The following FRAS1 variants were observed in gnomAD, a reference collection of about 807,000 sequenced individuals.
The protein encoded by FRAS1 is Fraser extracellular matrix complex subunit 1.
A neutral mutation model predicts 435.2 loss-of-function variants in FRAS1; 290 were observed. The ratio of observed to expected loss-of-function variants is 0.67; its 90% confidence interval spans 0.61 to 0.73. The LOEUF (loss-of-function observed/expected upper bound fraction) is 0.73, where lower values mean the gene tolerates loss of function less well. Among genes scored for constraint, FRAS1 ranks in the 30% least tolerant of loss-of-function variants. The pLI is 0.00. For synonymous variants in FRAS1, 1,800 were observed against 1,851.0 expected (o/e 0.97, Z 0.71); for missense variants, 4,860 against 5,001.5 (o/e 0.97, Z 0.85).
chr4:78,165,093 G>A (rs1038386062), intron 2 of FRAS1, among the ~76,000 whole-genome samples: 9 of 152,092 alleles, frequency 5.9e-5, no homozygotes, highest in East Asian at 1.9e-4. Context: ...ATTCAGTCCC[G>A]CACTTTTTTT....
intron 18 of FRAS1, among the ~76,000 whole-genome samples, chr4:78,332,571 A>G (rs1729989558): frequency 6.6e-6 from 1 of 152,186 alleles, no homozygotes; most frequent in South Asian, 2.1e-4. Flanking sequence ...CACATGCATC[A>G]GCCCAATTAG....
chr4:78,311,864 C>T (rs539466041), intron 15 of FRAS1, among the ~76,000 whole-genome samples: 1 of 152,086 alleles, frequency 6.6e-6, no homozygotes, highest in Non-Finnish European at 1.5e-5. Context: ...CTATAGATTT[C>T]TTTTTAAATG....
intron 2 of FRAS1, among the ~76,000 whole-genome samples, chr4:78,183,935 T>C (rs1021101243): frequency 2.0e-5 from 3 of 152,238 alleles, no homozygotes; most frequent in Middle Eastern, 3.4e-3. Flanking sequence ...ATTTATTTAG[T>C]GCTTATTATG....
At chr4:78,305,533 A>C (rs957731362) in intron 14 of FRAS1, among the ~76,000 whole-genome samples, 28 of 144,052 alleles carry the variant, frequency 1.9e-4, no homozygotes, top group Non-Finnish European at 3.8e-4. Context: ...TTGCTTTATG[A>C]ATCTGGGTGC....
chr4:78,104,636 C>T (rs969937284), intron 2 of FRAS1, among the ~76,000 whole-genome samples: 3 of 152,164 alleles, frequency 2.0e-5, no homozygotes, highest in Non-Finnish European at 2.9e-5. Flanking sequence ...TTTATTCATT[C>T]AGTCAGTTCA....
rs1306177896 is a variant in FRAS1, at chr4:78,425,114, T to G, written c.4711+694T>G. Among the ~76,000 whole-genome samples, 9 of 150,326 alleles carry G rather than the reference T, an allele frequency of 6.0e-5. 1 individual carries two copies. Among genetic ancestry groups the G allele is most frequent in the Admixed American group, 2.7e-4 (4 of 15,074 alleles). ...TCTTAAATGGGGATAATAATAATAA[T>G]AATAATAATAATAATAAATATAAAG... On this transcript the variant is annotated intron_variant, in intron 35 of 73. Coordinates refer to ENST00000512123, the MANE Select transcript of FRAS1 (RefSeq NM_025074.7).
intron 65 of FRAS1, 106 bp from the exon 66 acceptor site, chr4:78,515,693 G>T: frequency 1.0e-6 from 1 of 975,278 alleles, no homozygotes; most frequent in Non-Finnish European, 1.6e-6. Context: ...TAGGGTCTCA[G>T]GTGATTGAAA....
chr4:78,451,697 A>G, intron 45 of FRAS1, 75 bp from the exon 46 acceptor site: 1 of 1,262,654 alleles, frequency 7.9e-7, no homozygotes. Context: ...ACACCAATTG[A>G]ATTCACACCT....
intron 2 of FRAS1, among the ~76,000 whole-genome samples, chr4:78,095,438 C>T (rs934343037): frequency 7.9e-5 from 12 of 152,150 alleles, no homozygotes; most frequent in Non-Finnish European, 1.0e-4. Context: ...GTTCTGGTCA[C>T]GGGAGCAGAG....
intron 2 of FRAS1, among the ~76,000 whole-genome samples, chr4:78,148,338 T>C (rs908098966): frequency 2.0e-5 from 3 of 152,154 alleles, no homozygotes; most frequent in Admixed American, 2.0e-4. Context: ...TATTAACTAT[T>C]GAAGCTTGAG....
intron 29 of FRAS1, among the ~76,000 whole-genome samples, chr4:78,398,638 A>G (rs1367884084): frequency 6.6e-6 from 1 of 152,212 alleles, no homozygotes; most frequent in South Asian, 2.1e-4. Context: ...ACTGGTCTCC[A>G]TAACCAAAAT....
chr4:78,240,448 C>T (rs933512126), intron 3 of FRAS1, among the ~76,000 whole-genome samples: 2 of 152,068 alleles, frequency 1.3e-5, no homozygotes, highest in African/African-American at 2.4e-5. Context: ...AAAGGAGAAA[C>T]GACTGCCATA....
In FRAS1 at chr4:78,057,959, C is replaced by G. The variant is rs1739548292; in HGVS notation, c.-51C>G. 3 of 1,577,806 alleles carry G rather than the reference C, an allele frequency of 1.9e-6. No individual in the cohort carries two copies. The East Asian group carries it at 6.7e-5, about 35-fold the overall frequency. ...CGGAGCCAGCGTTTTGGCGGAGCCGCTTCTTGGATGCTGAAGGCTGGGCTC... is the reference window on the plus strand; with the variant it reads ...CGGAGCCAGCGTTTTGGCGGAGCCGGTTCTTGGATGCTGAAGGCTGGGCTC... On this transcript the variant is annotated 5_prime_UTR_variant, in exon 1 of 74. Coordinates refer to ENST00000512123, the MANE Select transcript of FRAS1 (RefSeq NM_025074.7). The surrounding 1 kb of genome is among the most constrained non-coding windows in gnomAD (Gnocchi z 4.2).
intron 2 of FRAS1, among the ~76,000 whole-genome samples, chr4:78,121,682 G>A (rs1307866665): frequency 6.6e-6 from 1 of 152,128 alleles, no homozygotes; most frequent in Non-Finnish European, 1.5e-5. Flanking sequence ...GACTTCTTTG[G>A]TTACGCTTGA....
intron 66 of FRAS1, among the ~76,000 whole-genome samples, chr4:78,518,620 G>T (rs1350539811): frequency 6.6e-6 from 1 of 151,982 alleles, no homozygotes; most frequent in South Asian, 2.1e-4. Context: ...AAATGAAAAT[G>T]ATTGGGCCAA....
At chr4:78,218,530 A>G (rs1723903572) in intron 2 of FRAS1, among the ~76,000 whole-genome samples, 1 of 152,212 alleles carries the variant, frequency 6.6e-6, no homozygotes, top group African/African-American at 2.4e-5. Context: ...TGTTTGTCGT[A>G]TGATATCTGA....
At chr4:78,205,866 G>C (rs892541025) in intron 2 of FRAS1, among the ~76,000 whole-genome samples, 4 of 152,008 alleles carry the variant, frequency 2.6e-5, no homozygotes, top group Non-Finnish European at 5.9e-5. Context: ...GTTTCCCCAG[G>C]GCAGTCTCTG....
intron 32 of FRAS1, among the ~76,000 whole-genome samples, chr4:78,417,844 C>A (rs1733612490): frequency 6.6e-6 from 1 of 152,250 alleles, no homozygotes; most frequent in African/African-American, 2.4e-5. Context: ...AGCAGGAGAG[C>A]ATGTCACACT....
chr4:78,198,533 A>G (rs1722917613), intron 2 of FRAS1, among the ~76,000 whole-genome samples: 1 of 151,974 alleles, frequency 6.6e-6, no homozygotes, highest in African/African-American at 2.4e-5. Flanking sequence ...TTGATAGGTC[A>G]GCATTCAATT....
Sources: gnomAD v4.1 joint callset for allele counts (sites outside exome capture counted in the v4.1 genomes callset) on GRCh38, gnomAD v4.1.1 for gene constraint, Gnocchi (gnomAD v3.1) non-coding constraint, MANE v1.5 for transcripts, NCBI Gene and HGNC (gene_info 2026-07-23, HGNC 2026-07-21) for gene names.